Variants in GALNT2 observed in about 807,000 individuals in gnomAD.
GALNT2 encodes UDP-GalNAc:polypeptide N-acetylgalactosaminyltransferase 2.
A neutral mutation model predicts 81.4 loss-of-function variants in GALNT2; 31 were observed. That is an observed-to-expected ratio of 0.38 (90% CI 0.29 to 0.51). The LOEUF (loss-of-function observed/expected upper bound fraction) is 0.51, where lower values mean the gene tolerates loss of function less well. Among genes scored for constraint, GALNT2 ranks in the 20% least tolerant of loss-of-function variants. The pLI is 0.87. For synonymous variants in GALNT2, 303 were observed against 287.4 expected, an observed-to-expected ratio of 1.05 and a Z score of -0.55; for missense variants, 629 against 765.7, an observed-to-expected ratio of 0.82 and a Z score of 2.11.
intron 1 of GALNT2, among the ~76,000 whole-genome samples, chr1:230,117,775 A>AT (rs1660888958): frequency 6.6e-6 from 1 of 152,246 alleles, no homozygotes; most frequent in Admixed American, 6.5e-5. Flanking sequence ...AAAATGTGAC[A>AT]TATAGACATG....
intron 7 of GALNT2, among the ~76,000 whole-genome samples, chr1:230,245,464 CA>C (rs1273078855): frequency 3.6e-5 from 5 of 137,652 alleles, no homozygotes; most frequent in African/African-American, 1.1e-4. Flanking sequence ...AACTCCGTCT[CA>C]AAAAAAAAAC....
chr1:230,278,277 C>T (rs1666350058), intron 15 of GALNT2, among the ~76,000 whole-genome samples: 1 of 151,398 alleles, frequency 6.6e-6, no homozygotes. Context: ...ACCACCATGC[C>T]CTGCTAATTT....
chr1:230,147,681 A>G (rs2102831707), intron 1 of GALNT2, among the ~76,000 whole-genome samples: 1 of 152,280 alleles, frequency 6.6e-6, no homozygotes, highest in Admixed American at 6.5e-5. Context: ...GCAGTGGTTG[A>G]GGCTAAACAG....
At chr1:230,269,991 G>A (rs1329617910) in intron 14 of GALNT2, among the ~76,000 whole-genome samples, 1 of 152,112 alleles carries the variant, frequency 6.6e-6, no homozygotes, top group Non-Finnish European at 1.5e-5. Flanking sequence ...CACGAGGTCT[G>A]GAGTTCGAGA....
At chr1:230,083,048 T>C (rs943006192) in intron 1 of GALNT2, among the ~76,000 whole-genome samples, 15 of 140,032 alleles carry the variant, frequency 1.1e-4, no homozygotes, top group Non-Finnish European at 1.7e-4. Flanking sequence ...GGAGGGAAGC[T>C]GGGATGATGG....
At chr1:230,249,381 C>T in intron 9 of GALNT2, 110 bp downstream of exon 9, 2 of 835,596 alleles carry the variant, frequency 2.4e-6, no homozygotes, top group South Asian at 1.6e-5. Flanking sequence ...TCACCTTCTG[C>T]CCTCCGGTTT....
intron 1 of GALNT2, among the ~76,000 whole-genome samples, chr1:230,173,426 C>T (rs569669333): frequency 2.0e-5 from 3 of 152,200 alleles, no homozygotes; most frequent in African/African-American, 7.2e-5. Context: ...TCCTGAAGCA[C>T]CATCTGTCTG....
chr1:230,187,898 C>T (rs1273634101), intron 2 of GALNT2, among the ~76,000 whole-genome samples: 2 of 144,232 alleles, frequency 1.4e-5, no homozygotes, highest in Non-Finnish European at 3.0e-5. Flanking sequence ...CTCTCCTTCT[C>T]TATTGCTTTG....
chr1:230,249,349 C>T (rs1294077660), intron 9 of GALNT2, 78 bp downstream of exon 9: 9 of 1,310,350 alleles, frequency 6.9e-6, no homozygotes, highest in Admixed American at 5.7e-5. Flanking sequence ...CCCGCACCGC[C>T]TGGAGACCCA....
chr1:230,164,014 T>C (rs929753847), intron 1 of GALNT2, among the ~76,000 whole-genome samples: 7 of 152,206 alleles, frequency 4.6e-5, no homozygotes, highest in African/African-American at 1.7e-4. Flanking sequence ...TGCTCTTGAC[T>C]TTGTTTTTTT....
At chr1:230,153,878 G>A (rs1662166515) in intron 1 of GALNT2, among the ~76,000 whole-genome samples, 1 of 152,208 alleles carries the variant, frequency 6.6e-6, no homozygotes, top group African/African-American at 2.4e-5. Flanking sequence ...GTTCATAAAA[G>A]CTACTGGTAA....
At chr1:230,250,716 G>C (rs1418402227) in intron 10 of GALNT2, among the ~76,000 whole-genome samples, 156 bp downstream of exon 10, 1 of 152,200 alleles carries the variant, frequency 6.6e-6, no homozygotes, top group Non-Finnish European at 1.5e-5. Flanking sequence ...TTTTGCTCTT[G>C]AAAGTCTCAT....
chr1:230,245,827 A>G (rs1665351299), intron 7 of GALNT2, among the ~76,000 whole-genome samples: 1 of 152,068 alleles, frequency 6.6e-6, no homozygotes, highest in South Asian at 2.1e-4. Context: ...CCTGCTACGC[A>G]CCCACTCCTG....
At chr1:230,058,920 G>A (rs1049772532) in intron 1 of GALNT2, among the ~76,000 whole-genome samples, 8 of 152,136 alleles carry the variant, frequency 5.3e-5, no homozygotes, top group Non-Finnish European at 1.0e-4. Context: ...CAGGGCCTGG[G>A]CAAGCTCTTC....
chr1:230,112,685 G>A (rs761955093), intron 1 of GALNT2, among the ~76,000 whole-genome samples: 3 of 152,006 alleles, frequency 2.0e-5, no homozygotes, highest in Non-Finnish European at 4.4e-5. Context: ...GGAGGAGGAG[G>A]GAGAGGGTGG....
intron 10 of GALNT2, among the ~76,000 whole-genome samples, chr1:230,250,922 C>T (rs1394182276): frequency 3.3e-5 from 5 of 152,140 alleles, no homozygotes. Context: ...GAAAATGAAC[C>T]CCGGCGAGGC....
chr1:230,182,190 T>G (rs986615246), intron 2 of GALNT2, among the ~76,000 whole-genome samples: 10 of 118,442 alleles, frequency 8.4e-5, no homozygotes, highest in African/African-American at 3.3e-4. Context: ...CCAGTTTTTG[T>G]TTTTGTTTTT....
At chr1:230,125,816 C>CCA (rs962954905) in intron 1 of GALNT2, among the ~76,000 whole-genome samples, 5 of 152,254 alleles carry the variant, frequency 3.3e-5, no homozygotes, top group African/African-American at 1.2e-4. Context: ...AACTCTCTTG[C>CCA]CATGCCTCAT....
chr1:230,244,040 C>T (rs1282168788), intron 7 of GALNT2, among the ~76,000 whole-genome samples: 1 of 151,736 alleles, frequency 6.6e-6, no homozygotes, highest in Non-Finnish European at 1.5e-5. Context: ...TCACTTCTCT[C>T]GCCTTCTGCT....
Sources: gnomAD v4.1 joint callset for allele counts (sites outside exome capture counted in the v4.1 genomes callset) on GRCh38, gnomAD v4.1.1 for gene constraint, MANE v1.5 for transcripts, NCBI Gene and HGNC (gene_info 2026-07-23, HGNC 2026-07-21) for gene names.